The following STYXL2 variants were observed in gnomAD, a reference collection of about 807,000 sequenced individuals.
The protein encoded by STYXL2 is serine/threonine/tyrosine interacting like 2, also known as serine/threonine/tyrosine-interacting-like protein 2.
STYXL2 carries 44 observed loss-of-function variants against 52.4 expected under a neutral mutation model. The observed-to-expected ratio is 0.84, with a 90% CI of 0.66 to 1.08. The LOEUF is 1.08. STYXL2 is among the 50% of genes least tolerant of loss of function. The probability of loss-of-function intolerance (pLI) is 0.00; values close to 1 mark genes in which losing one functional copy is unlikely to be tolerated. For missense variants in STYXL2, 1,604 were observed against 1,471.7 expected, an observed-to-expected ratio of 1.09 and a Z score of -1.47; for synonymous variants, 604 against 586.9, an observed-to-expected ratio of 1.03 and a Z score of -0.42.
At chr1:167,120,619 T>C (rs1267659364) in intron 5 of STYXL2, among the ~76,000 whole-genome samples, 1 of 151,954 alleles carries the variant, frequency 6.6e-6, no homozygotes, top group Non-Finnish European at 1.5e-5. Context: ...ATATTTTCTT[T>C]TTTTTAATTA....
At position 167,128,019 on chromosome 1, in the gene STYXL2, C is replaced by T. The variant is rs747957900; in HGVS notation, c.2888C>T (p.Thr963Ile). Residue 963 changes from threonine to isoleucine, a missense_variant, in exon 6 of 6, where the codon ACC (threonine) becomes ATC (isoleucine). Coordinates refer to ENST00000361200, the MANE Select transcript of STYXL2 (RefSeq NM_001080426.3). ...DWSGSSRGKYTRSSLLRETES... is the reference protein window; with the variant it reads ...DWSGSSRGKYIRSSLLRETES... Reference sequence around the variant, plus strand: ...TCTGGAAGTTCCAGAGGGAAGTACACCAGATCGTCCCTGCTCAGGGAGACA... The same window carrying T: ...TCTGGAAGTTCCAGAGGGAAGTACATCAGATCGTCCCTGCTCAGGGAGACA... 14 of 1,614,088 alleles carry T rather than the reference C, an allele frequency of 8.7e-6. No individual in the cohort carries two copies. The highest frequency in any genetic ancestry group is 1.0e-5 in the Non-Finnish European group (12 of 1,180,044).
chr1:167,094,699 T>C, intron 1 of STYXL2, 135 bp from the exon 2 acceptor site: 1 of 639,994 alleles, frequency 1.6e-6, no homozygotes, highest in Non-Finnish European at 2.8e-6. Context: ...GACTGGATAT[T>C]CCTTGCTGGT....
intron 4 of STYXL2, 130 bp from the exon 5 acceptor site, chr1:167,119,116 GACA>G (rs1460305808): frequency 1.3e-6 from 1 of 751,262 alleles, no homozygotes; most frequent in Non-Finnish European, 2.2e-6. Flanking sequence ...GTGATCCCCA[GACA>G]ACCAGGGGCA....
chr1:167,128,862 T>A lies in STYXL2; in HGVS notation c.*254T>A. The A allele has an allele frequency of 2.0e-6, 1 of 488,360 alleles. No individual in the cohort carries two copies. Among genetic ancestry groups the A allele is most frequent in the Non-Finnish European group, 3.6e-6 (1 of 280,054 alleles). The allele number at this position is 488,360 out of a possible 1,614,324, so 30.3% of individuals were successfully genotyped here. A position where few individuals can be genotyped will look rare whatever the true frequency, so the allele number is the denominator to read the frequency against. On this transcript the variant is annotated 3_prime_UTR_variant, in exon 6 of 6. Coordinates refer to ENST00000361200, the MANE Select transcript of STYXL2 (RefSeq NM_001080426.3). ...TACCATTTTCTGTTGCTCAGCGCCCTCTAAGCTTTGGTGTTTCACTTAATG... is the reference window on the plus strand; with the variant it reads ...TACCATTTTCTGTTGCTCAGCGCCCACTAAGCTTTGGTGTTTCACTTAATG...
At chr1:167,103,855 C>T (rs531767245) in intron 2 of STYXL2, among the ~76,000 whole-genome samples, 1 of 152,190 alleles carries the variant, frequency 6.6e-6, no homozygotes, top group Non-Finnish European at 1.5e-5. Context: ...GGCGCGGTGG[C>T]TCACGCCTGT....
At chr1:167,116,651 GTTTTTTTT>G (rs57553225) in intron 3 of STYXL2, among the ~76,000 whole-genome samples, 1 of 113,762 alleles carries the variant, frequency 8.8e-6, no homozygotes, top group African/African-American at 3.6e-5. Context: ...TTTTTTTTTG[GTTTTTTTT>G]TTTTTTTTTG....
chr1:167,116,738 A>G (rs531668934), intron 3 of STYXL2, among the ~76,000 whole-genome samples: 2 of 137,408 alleles, frequency 1.5e-5, no homozygotes, highest in East Asian at 4.4e-4. Flanking sequence ...TGCAACCTCC[A>G]TTTCCCAGGT....
chr1:167,096,629 T>A (rs1178213770), intron 2 of STYXL2, among the ~76,000 whole-genome samples: 3 of 152,162 alleles, frequency 2.0e-5, no homozygotes, highest in South Asian at 2.1e-4. Context: ...ATGGTCCAGA[T>A]GTGAAAATGG....
intron 2 of STYXL2, among the ~76,000 whole-genome samples, chr1:167,110,940 G>C (rs1002151615): frequency 1.3e-5 from 2 of 152,116 alleles, no homozygotes; most frequent in African/African-American, 4.8e-5. Flanking sequence ...CCCCTTGCAG[G>C]CTTATTCCTG....
At chr1:167,099,969 A>G (rs1327027794) in intron 2 of STYXL2, among the ~76,000 whole-genome samples, 8 of 152,254 alleles carry the variant, frequency 5.3e-5, no homozygotes, top group Non-Finnish European at 1.0e-4. Context: ...TGTTGCTATA[A>G]CAGAATACCT....
chr1:167,115,206 A>G (rs1667700612), intron 3 of STYXL2, among the ~76,000 whole-genome samples: 1 of 152,192 alleles, frequency 6.6e-6, no homozygotes, highest in Non-Finnish European at 1.5e-5. Context: ...CATCAAACCT[A>G]AGTTTCATTA....
At chr1:167,121,490 G>T (rs1003075351) in intron 5 of STYXL2, among the ~76,000 whole-genome samples, 1 of 152,244 alleles carries the variant, frequency 6.6e-6, no homozygotes, top group Non-Finnish European at 1.5e-5. Flanking sequence ...ACACGGCCAC[G>T]AGCCGGCGGT....
intron 4 of STYXL2, among the ~76,000 whole-genome samples, chr1:167,118,119 G>C (rs1206649616): frequency 1.3e-5 from 2 of 152,160 alleles, no homozygotes; most frequent in Non-Finnish European, 2.9e-5. Flanking sequence ...GTTTTTACAA[G>C]CAGTTTTTAT....
chr1:167,126,774 A>G lies in STYXL2; in HGVS notation c.1643A>G (p.Lys548Arg), dbSNP rs1667980015. The G allele has an allele frequency of 1.9e-6, 3 of 1,614,210 alleles. No individual in the cohort carries two copies. The East Asian group carries it at 6.7e-5, about 36-fold the overall frequency. The change falls in exon 6 of 6, where the codon AAG becomes AGG. Residue 548 changes from lysine to arginine, a missense_variant. Physicochemically the swap from Lys to Arg is conservative, Grantham distance 26. Transcript: ENST00000361200. ...AAGCTCACTGCCCTGGAAAGATGGA[A>G]GATCAAGAGAATCCAATTTGGATTT... ...KDKLTALERW[K>R]IKRIQFGFHK...
Position 167,126,891 on chromosome 1 carries a change from C to T in STYXL2, c.1760C>T (p.Thr587Ile). Reference sequence around the variant, plus strand: ...AAGAACCCCTCCGACGTCAGCCTGACAGCCTACCAGGCCTGGAAGCTGAAA... The same window carrying T: ...AAGAACCCCTCCGACGTCAGCCTGATAGCCTACCAGGCCTGGAAGCTGAAA... ...GEKNPSDVSL[T>I]AYQAWKLKHQ... is the part of the protein sequence containing the mutation. The change falls in exon 6 of 6, where the codon ACA becomes ATA. Residue 587 changes from threonine (T) to isoleucine (I), a missense_variant. Transcript: ENST00000361200. 9.9e-6 allele frequency: 16 copies of T among 1,612,280 alleles called. No individual in the cohort carries two copies. Among genetic ancestry groups the T allele is most frequent in the Non-Finnish European group, 1.4e-5 (16 of 1,179,002 alleles).
chr1:167,114,960 A>G (rs1015174435), intron 3 of STYXL2, among the ~76,000 whole-genome samples: 1 of 152,136 alleles, frequency 6.6e-6, no homozygotes, highest in African/African-American at 2.4e-5. Flanking sequence ...TCCACTCTGC[A>G]TCATCTCTGC....
At position 167,128,459 on chromosome 1, in the gene STYXL2, G is replaced by C. The variant is rs895593204; in HGVS notation, c.3328G>C (p.Gly1110Arg). 2 of 1,613,940 alleles carry C rather than the reference G, an allele frequency of 1.2e-6. No individual in the cohort carries two copies. Among genetic ancestry groups the C allele is most frequent in the African/African-American group, 2.7e-5 (2 of 74,902 alleles). The change falls in exon 6 of 6, where the codon GGG (glycine) becomes CGG (arginine). Residue 1110 changes from glycine to arginine, a missense_variant. Coordinates refer to ENST00000361200, the MANE Select transcript of STYXL2 (RefSeq NM_001080426.3). Reference sequence around the variant, plus strand: ...AGAGAGGACAGAAAACAGAGAAGAAGGGAGGTTTGCATCTGGACGGCGGTC... The same window carrying C: ...AGAGAGGACAGAAAACAGAGAAGAACGGAGGTTTGCATCTGGACGGCGGTC... ...EKERTENREE[G>R]RFASGRRSQY... is the part of the protein sequence containing the mutation.
chr1:167,127,224 G>A lies in STYXL2; in HGVS notation c.2093G>A (p.Cys698Tyr), dbSNP rs1558028325. ...LSQAASNIAGCSTSNPTTPLP... is the reference protein window; with the variant it reads ...LSQAASNIAGYSTSNPTTPLP... ...CAGGCTGCAAGCAACATAGCGGGGT[G>A]TTCAACCTCCAACCCCACCACACCC... The change falls in exon 6 of 6, where the codon TGT becomes TAT. Residue 698 changes from cysteine to tyrosine, a missense_variant. By Grantham distance (194) the Cys-to-Tyr change is radical. Transcript: ENST00000361200. The A allele has an allele frequency of 6.2e-7, 1 of 1,614,142 alleles. No individual in the cohort carries two copies.
At chr1:167,124,822 A>T (rs1455062164) in intron 5 of STYXL2, among the ~76,000 whole-genome samples, 1 of 152,168 alleles carries the variant, frequency 6.6e-6, no homozygotes, top group South Asian at 2.1e-4. Flanking sequence ...CCCATATTGC[A>T]AGTTTATATG....
Sources: gnomAD v4.1 joint callset for allele counts (sites outside exome capture counted in the v4.1 genomes callset) on GRCh38, gnomAD v4.1.1 for gene constraint, MANE v1.5 for transcripts, NCBI Gene and HGNC (gene_info 2026-07-23, HGNC 2026-07-21) for gene names.